Variants in INPP4B observed in about 807,000 individuals in gnomAD.
INPP4B encodes the protein inositol polyphosphate-4-phosphatase type II B, also known as inositol polyphosphate 4-phosphatase type II.
In INPP4B, 55 loss-of-function variants were observed where a neutral mutation model predicts 122.5. The ratio of observed to expected loss-of-function variants is 0.45; its 90% CI spans 0.36 to 0.56. INPP4B has a LOEUF of 0.56. INPP4B is among the 20% of genes least tolerant of loss of function. INPP4B has a pLI of 0.00. For missense variants in INPP4B, 1,000 were observed against 1,097.7 expected (o/e 0.91, Z 1.26); for synonymous variants, 403 against 388.7 (o/e 1.04, Z -0.43).
chr4:142,619,141 T>C (rs1369742255), intron 2 of INPP4B, among the ~76,000 whole-genome samples: 3 of 151,442 alleles, frequency 2.0e-5, no homozygotes, highest in Non-Finnish European at 4.4e-5. Flanking sequence ...CCTGAGAATG[T>C]AAAACAGTGC....
chr4:142,253,858 T>C (rs970722680), intron 11 of INPP4B, among the ~76,000 whole-genome samples: 1 of 151,864 alleles, frequency 6.6e-6, no homozygotes, highest in Non-Finnish European at 1.5e-5. Context: ...CCACCACAGC[T>C]CAAGGAGGCC....
chr4:142,352,818 T>C (rs1458536197), intron 7 of INPP4B, among the ~76,000 whole-genome samples: 1 of 152,030 alleles, frequency 6.6e-6, no homozygotes, highest in Non-Finnish European at 1.5e-5. Context: ...CCTGTACTTA[T>C]TACTGAATAC....
chr4:142,248,956 A>G (rs1252034044), intron 11 of INPP4B, among the ~76,000 whole-genome samples: 1 of 152,020 alleles, frequency 6.6e-6, no homozygotes, highest in African/African-American at 2.4e-5. Flanking sequence ...GACTGCAAAT[A>G]AAAAAGCAAT....
intron 2 of INPP4B, among the ~76,000 whole-genome samples, chr4:142,623,674 C>A (rs540705262): frequency 6.6e-6 from 1 of 151,706 alleles, no homozygotes; most frequent in African/African-American, 2.4e-5. Context: ...CCCATTAACT[C>A]ATCATTTAGC....
chr4:142,049,254 A>C (rs1753183404), intron 25 of INPP4B, among the ~76,000 whole-genome samples: 1 of 152,090 alleles, frequency 6.6e-6, no homozygotes, highest in Admixed American at 6.6e-5. Flanking sequence ...TTTCAGCAAA[A>C]GAGTATCATG....
chr4:142,029,253 G>A, intron 25 of INPP4B: 1 of 1,009,324 alleles, frequency 9.9e-7, no homozygotes, highest in Non-Finnish European at 1.2e-6. Flanking sequence ...TAATTTCTCA[G>A]TCTCTTTAAA....
chr4:142,261,386 G>GA (rs1739912638), intron 10 of INPP4B, among the ~76,000 whole-genome samples: 2 of 152,070 alleles, frequency 1.3e-5, no homozygotes, highest in African/African-American at 4.8e-5. Context: ...TTTATCTTTA[G>GA]AAAAAAATAT....
At chr4:142,767,453 G>A in intron 1 of INPP4B, 1 of 152,134 alleles carries the variant, frequency 6.6e-6, no homozygotes, top group South Asian at 2.1e-4. Flanking sequence ...GTCAGGAATG[G>A]GCTGGCTCTG....
At chr4:142,421,304 A>T (rs77904523) in intron 5 of INPP4B, among the ~76,000 whole-genome samples, 1,653 of 152,246 alleles carry the variant, frequency 0.011, 29 homozygotes, top group African/African-American at 0.037. Flanking sequence ...GACATAGCTC[A>T]AAGAAAGGCT....
intron 5 of INPP4B, among the ~76,000 whole-genome samples, chr4:142,424,253 T>G (rs1436837125): frequency 2.6e-5 from 4 of 152,048 alleles, no homozygotes; most frequent in Non-Finnish European, 4.4e-5. Context: ...AACTGTTTTT[T>G]TAATGATTTC....
Position 142,264,113 on chromosome 4 carries a change from C to T in INPP4B, c.616-3549G>A, listed in dbSNP as rs576703664. Among the ~76,000 whole-genome samples, 3 of 152,130 alleles carry T rather than the reference C, an allele frequency of 2.0e-5. No homozygotes were observed. In the East Asian group the frequency reaches 5.8e-4, roughly 30 times the overall value. On this transcript the variant is annotated intron_variant, in intron 10 of 25. Coordinates refer to ENST00000262992, the MANE Select transcript of INPP4B (RefSeq NM_001101669.3). ...GAAGCTGTGAGAGGAAAGACATGTCCTAAGTTTCATTTAAATAGGGTCGCT... is the reference window on the plus strand; with the variant it reads ...GAAGCTGTGAGAGGAAAGACATGTCTTAAGTTTCATTTAAATAGGGTCGCT...
intron 14 of INPP4B, among the ~76,000 whole-genome samples, chr4:142,198,971 T>C (rs1671251489): frequency 6.6e-6 from 1 of 152,064 alleles, no homozygotes; most frequent in African/African-American, 2.4e-5. Flanking sequence ...CATAGAGATC[T>C]TTGTGTAATG....
chr4:142,345,423 GACA>G (rs1054455545), intron 7 of INPP4B, among the ~76,000 whole-genome samples: 2 of 151,956 alleles, frequency 1.3e-5, no homozygotes, highest in African/African-American at 4.8e-5. Context: ...GAAAGACAGT[GACA>G]ACAAAATTAA....
chr4:142,295,356 C>G (rs1174867547), intron 9 of INPP4B, among the ~76,000 whole-genome samples: 1 of 152,056 alleles, frequency 6.6e-6, no homozygotes, highest in Non-Finnish European at 1.5e-5. Context: ...GGTATAGCAC[C>G]TGCATGTGGA....
intron 1 of INPP4B, among the ~76,000 whole-genome samples, chr4:142,844,562 A>G (rs936372399): frequency 1.3e-5 from 2 of 152,232 alleles, no homozygotes; most frequent in East Asian, 3.8e-4. Flanking sequence ...ATTTCCTATC[A>G]ATGCTTTACA....
intron 2 of INPP4B, among the ~76,000 whole-genome samples, chr4:142,509,958 A>G (rs1333029229): frequency 6.6e-6 from 1 of 152,210 alleles, no homozygotes; most frequent in Non-Finnish European, 1.5e-5. Flanking sequence ...TACTTAATAA[A>G]TAATGAGGAA....
chr4:142,623,045 A>T (rs1400867469), intron 2 of INPP4B, among the ~76,000 whole-genome samples: 1 of 151,928 alleles, frequency 6.6e-6, no homozygotes, highest in Non-Finnish European at 1.5e-5. Flanking sequence ...AGATTCTCCT[A>T]CACTTCTGAC....
At chr4:142,041,970 C>T (rs1197522807) in intron 25 of INPP4B, among the ~76,000 whole-genome samples, 1 of 152,144 alleles carries the variant, frequency 6.6e-6, no homozygotes, top group Non-Finnish European at 1.5e-5. Context: ...CTTTCTATCA[C>T]AGGAAATGAC....
intron 7 of INPP4B, among the ~76,000 whole-genome samples, chr4:142,354,309 G>T (rs1363671455): frequency 6.6e-6 from 1 of 151,954 alleles, no homozygotes; most frequent in South Asian, 2.1e-4. Context: ...TCCTGAATGT[G>T]CCAGCAGATC....
Sources: gnomAD v4.1 joint callset for allele counts (sites outside exome capture counted in the v4.1 genomes callset) on GRCh38, gnomAD v4.1.1 for gene constraint, MANE v1.5 for transcripts, NCBI Gene and HGNC (gene_info 2026-07-23, HGNC 2026-07-21) for gene names.